TCTN3: variants seen among roughly 807,000 people sequenced by gnomAD.
TCTN3 encodes the protein tectonic family member 3, also known as tectonic-3.
TCTN3 carries 57 observed loss-of-function variants against 71.3 expected under a neutral mutation model. The ratio of observed to expected loss-of-function variants is 0.80; its 90% CI spans 0.65 to 1.00. TCTN3 has a LOEUF of 1.00. Ranked by LOEUF, TCTN3 falls within the 50% of genes least tolerant of loss-of-function variation. The probability of loss-of-function intolerance (pLI) is 0.00; values close to 1 mark genes in which losing one functional copy is unlikely to be tolerated. For synonymous variants in TCTN3, 258 were observed against 267.8 expected (o/e 0.96, Z 0.36); for missense variants, 696 against 719.9 (o/e 0.97, Z 0.38).
At chr10:95,684,157 G>C in intron 9 of TCTN3, among the ~76,000 whole-genome samples, 1 of 152,122 alleles carries the variant, frequency 6.6e-6, no homozygotes, top group East Asian at 1.9e-4. Flanking sequence ...GTAAAATGCT[G>C]ACTGCCCAGA....
At chr10:95,690,759 G>A (rs2097952764) in intron 3 of TCTN3, among the ~76,000 whole-genome samples, 1 of 152,162 alleles carries the variant, frequency 6.6e-6, no homozygotes, top group South Asian at 2.1e-4. Flanking sequence ...CAGTAAGGAA[G>A]CAACATAATG....
At chr10:95,674,503 C>A (rs1191607149) in intron 13 of TCTN3, among the ~76,000 whole-genome samples, 31 of 151,674 alleles carry the variant, frequency 2.0e-4, no homozygotes, top group Non-Finnish European at 2.9e-5. Context: ...TATTTTTAAC[C>A]ACGAGATCAT....
intron 2 of TCTN3, 81 bp downstream of exon 2, chr10:95,693,272 G>A (rs1428219161): frequency 1.0e-5 from 16 of 1,532,828 alleles, no homozygotes; most frequent in South Asian, 1.2e-5. Flanking sequence ...GAGGCACAAA[G>A]ACTAACTCTT....
chr10:95,692,277 G>A (rs1376740248), intron 3 of TCTN3, among the ~76,000 whole-genome samples: 1 of 152,178 alleles, frequency 6.6e-6, no homozygotes, highest in East Asian at 1.9e-4. Flanking sequence ...GGGGGTCGAG[G>A]TGGGTGGCCC....
chr10:95,689,422 A>C (rs2097951646), intron 3 of TCTN3, among the ~76,000 whole-genome samples: 1 of 152,202 alleles, frequency 6.6e-6, no homozygotes, highest in Non-Finnish European at 1.5e-5. Context: ...AACGCTTCCA[A>C]GAGCTATTTA....
chr10:95,664,410 C>T, intron 13 of TCTN3, 110 bp from the exon 14 acceptor site: 2 of 890,076 alleles, frequency 2.2e-6, no homozygotes, highest in East Asian at 2.4e-5. Context: ...TTATTCTAAG[C>T]AAGATATACC....
chr10:95,678,691 A>G (rs2097939888), intron 13 of TCTN3, among the ~76,000 whole-genome samples: 1 of 152,208 alleles, frequency 6.6e-6, no homozygotes, highest in Non-Finnish European at 1.5e-5. Context: ...TCAAGATTGA[A>G]GAAGTAAAAA....
chr10:95,690,853 G>A (rs2097952843), intron 3 of TCTN3, among the ~76,000 whole-genome samples: 1 of 151,176 alleles, frequency 6.6e-6, no homozygotes, highest in Admixed American at 6.6e-5. Flanking sequence ...GTATATGTGA[G>A]GAAGGTAGGT....
chr10:95,686,926 C>A lies in TCTN3; in HGVS notation c.852+118G>T, dbSNP rs745434950. The stretch of plus-strand genomic sequence containing the variant: ...TGGTTTCCAGGCCCTCTGTCTTTTA[C>A]GTGGCTCCTGGGGATTCTGACTTTT... On this transcript the variant is annotated intron_variant, in intron 6 of 13. Coordinates refer to ENST00000371217, the MANE Select transcript of TCTN3 (RefSeq NM_015631.6). 11 of 829,722 alleles carry A rather than the reference C, an allele frequency of 1.3e-5. 1 individual carries two copies. The highest frequency in any genetic ancestry group is 1.9e-5 in the Non-Finnish European group (10 of 524,040). The allele number at this position is 829,722 out of a possible 1,614,324, so 51.4% of individuals were successfully genotyped here. A position where few individuals can be genotyped will look rare whatever the true frequency, so the allele number is the denominator to read the frequency against.
At chr10:95,671,909 T>A (rs946312765) in intron 13 of TCTN3, among the ~76,000 whole-genome samples, 7 of 152,244 alleles carry the variant, frequency 4.6e-5, no homozygotes, top group Middle Eastern at 3.4e-3. Context: ...CATGTTTTTT[T>A]AAATGTTTTT....
intron 13 of TCTN3, among the ~76,000 whole-genome samples, chr10:95,679,521 A>T (rs909257949): frequency 1.3e-5 from 2 of 151,420 alleles, no homozygotes; most frequent in South Asian, 2.1e-4. Context: ...GATTTTCATT[A>T]TAAGTTACTA....
chr10:95,664,317 A>C lies in TCTN3; in HGVS notation c.1591-17T>G. The C allele has an allele frequency of 6.2e-7, 1 of 1,610,714 alleles. No individual in the cohort carries two copies. The highest frequency in any genetic ancestry group is 8.5e-7 in the Non-Finnish European group (1 of 1,177,016). On this transcript the variant is annotated splice_polypyrimidine_tract_variant and intron_variant, in intron 13 of 13. Coordinates refer to ENST00000371217, the MANE Select transcript of TCTN3 (RefSeq NM_015631.6). ...CTGAGAATCCTACGGGAAGAAAGTC[A>C]ATGACAGGTCAGCGCTTGGTACCCA...
At chr10:95,667,205 G>A (rs1350948916) in intron 13 of TCTN3, among the ~76,000 whole-genome samples, 2 of 152,120 alleles carry the variant, frequency 1.3e-5, no homozygotes, top group South Asian at 4.2e-4. Flanking sequence ...TTGTTCTTTC[G>A]GAGTCACCCA....
intron 3 of TCTN3, 42 bp downstream of exon 3, chr10:95,692,878 C>T: frequency 1.4e-6 from 2 of 1,420,466 alleles, no homozygotes; most frequent in Non-Finnish European, 2.0e-6. Flanking sequence ...ATATAACACT[C>T]CTGTGTTAGA....
At chr10:95,666,275 A>G (rs1396945806) in intron 13 of TCTN3, among the ~76,000 whole-genome samples, 4 of 145,108 alleles carry the variant, frequency 2.8e-5, no homozygotes, top group Admixed American at 1.4e-4. Context: ...GAGGCTCATG[A>G]GGGACTTGGC....
At chr10:95,680,780 T>C (rs1003296055) in intron 12 of TCTN3, among the ~76,000 whole-genome samples, 171 bp from the exon 13 acceptor site, 5 of 145,824 alleles carry the variant, frequency 3.4e-5, no homozygotes, top group African/African-American at 1.2e-4. Context: ...TTCCTGATCT[T>C]TTTTTTTTTT....
intron 13 of TCTN3, among the ~76,000 whole-genome samples, chr10:95,670,200 A>C (rs1028473872): frequency 3.9e-5 from 6 of 152,126 alleles, no homozygotes; most frequent in Non-Finnish European, 5.9e-5. Context: ...TTCAAATGAA[A>C]TGTTTATTCT....
chr10:95,681,875 A>G (rs1404012208), intron 12 of TCTN3, among the ~76,000 whole-genome samples: 1 of 152,222 alleles, frequency 6.6e-6, no homozygotes, highest in Non-Finnish European at 1.5e-5. Flanking sequence ...AGGAAAATAC[A>G]TTAGGTATTT....
At chr10:95,685,246 T>C (rs1166714923) in intron 8 of TCTN3, among the ~76,000 whole-genome samples, 1 of 152,202 alleles carries the variant, frequency 6.6e-6, no homozygotes, top group Non-Finnish European at 1.5e-5. Context: ...ATAATTTTAA[T>C]GTCCTGGACC....
Sources: allele counts gnomAD v4.1 joint callset (sites outside exome capture counted in the v4.1 genomes callset), GRCh38; gene constraint gnomAD v4.1.1; transcripts MANE v1.5; gene names NCBI Gene and HGNC (gene_info 2026-07-23, HGNC 2026-07-21).